LIG3: variants seen among roughly 807,000 people sequenced by gnomAD.
LIG3 encodes the protein ligase II, DNA, ATP-dependent.
A neutral mutation model predicts 110.9 loss-of-function variants in LIG3; 58 were observed. The ratio of observed to expected loss-of-function variants is 0.52; its 90% confidence interval spans 0.42 to 0.65. The LOEUF is 0.65. LIG3 is among the 30% of genes least tolerant of loss of function. LIG3 has a pLI of 0.00. For synonymous variants in LIG3, 422 were observed against 472.8 expected (o/e 0.89, Z 1.39); for missense variants, 1,094 against 1,273.8 (o/e 0.86, Z 2.15).
At chr17:34,995,739 C>G (rs1301675029) in intron 9 of LIG3, among the ~76,000 whole-genome samples, 2 of 152,212 alleles carry the variant, frequency 1.3e-5, no homozygotes, top group Admixed American at 1.3e-4. Flanking sequence ...GCACTAATCT[C>G]TGCCCACCTA....
At chr17:35,002,338 A>G (rs1254571260) in intron 18 of LIG3, among the ~76,000 whole-genome samples, 3 of 152,198 alleles carry the variant, frequency 2.0e-5, no homozygotes, top group African/African-American at 7.2e-5. Context: ...GGGGACAGCC[A>G]GTCTGACCAG....
chr17:35,001,288 A>C lies in LIG3; in HGVS notation c.2363A>C (p.Glu788Ala), dbSNP rs758573159. 1 of 1,614,130 alleles carries C rather than the reference A, an allele frequency of 6.2e-7. No individual in the cohort carries two copies. The highest frequency in any genetic ancestry group is 1.1e-5 in the South Asian group (1 of 91,088). The change falls in exon 17 of 20, where the codon GAA becomes GCA. Residue 788 changes from glutamate (E) to alanine (A), a missense_variant. Transcript: ENST00000378526. ...GCCGTGTGGGAGATCACAGGGGCTG[A>C]ATTCTCCAAATCGGAGGCTCATACA... ...KAAVWEITGA[E>A]FSKSEAHTAD...
At position 35,003,076 on chromosome 17, in the gene LIG3, G is replaced by A. The variant is rs746892798; in HGVS notation, c.2796+287G>A. Reference sequence around the variant, plus strand: ...CAGCCCGGCCTAGCCAGGAGAGACTGCAGGGACTCACTCAGCTGCTGGCCC... The same window carrying A: ...CAGCCCGGCCTAGCCAGGAGAGACTACAGGGACTCACTCAGCTGCTGGCCC... On this transcript the variant is annotated intron_variant, in intron 19 of 19. Coordinates refer to ENST00000378526, the MANE Select transcript of LIG3 (RefSeq NM_013975.4). The A allele has an allele frequency of 6.2e-6, 10 of 1,613,964 alleles. No homozygotes were observed. In the Admixed American group the frequency reaches 1.3e-4, roughly 22 times the overall value.
intron 2 of LIG3, 78 bp from the exon 3 acceptor site, chr17:34,985,910 C>A: frequency 6.8e-7 from 1 of 1,463,018 alleles, no homozygotes; most frequent in Non-Finnish European, 9.5e-7. Context: ...GCCCTAGGAG[C>A]AGTTGATAGA....
intron 17 of LIG3, 69 bp from the exon 18 acceptor site, chr17:35,001,840 C>A: frequency 1.4e-6 from 2 of 1,427,862 alleles, no homozygotes; most frequent in African/African-American, 1.4e-5. Context: ...AAATACACCA[C>A]ACACACCACC....
At chr17:35,003,056 C>T (rs780188484) in intron 19 of LIG3, 8 of 1,614,098 alleles carry the variant, frequency 5.0e-6, no homozygotes, top group East Asian at 4.5e-5. Context: ...TAGAACAGCC[C>T]GGCCTAGCCA....
intron 17 of LIG3, 48 bp downstream of exon 17, chr17:35,001,451 C>A: frequency 1.9e-6 from 3 of 1,567,514 alleles, no homozygotes; most frequent in Non-Finnish European, 1.8e-6. Flanking sequence ...ACTGTCCAGG[C>A]CTTGGAGCCT....
chr17:34,983,287 T>C lies in LIG3; in HGVS notation c.282T>C (p.Cys94=). Residue 94 remains cysteine, a synonymous_variant, in exon 2 of 20, where the codon TGT becomes TGC. Coordinates refer to ENST00000378526, the MANE Select transcript of LIG3 (RefSeq NM_013975.4). The part of the protein sequence containing the change: ...GPCEMAEQRF[C]VDYAKRGTAG... ...GTGAGATGGCTGAGCAACGGTTCTG[T>C]GTGGACTATGCCAAGCGTGGCACAG... The C allele has an allele frequency of 6.2e-7, 1 of 1,614,160 alleles. No individual in the cohort carries two copies. The highest frequency in any genetic ancestry group is 8.5e-7 in the Non-Finnish European group (1 of 1,180,020).
At chr17:34,998,408 C>A in intron 13 of LIG3, 112 bp downstream of exon 13, 1 of 1,142,000 alleles carries the variant, frequency 8.8e-7, no homozygotes, top group South Asian at 1.4e-5. Flanking sequence ...GTTGGGGTGG[C>A]TGCTGGGGAA....
At chr17:35,002,635 A>G (rs2090855527) in intron 18 of LIG3, 33 bp from the exon 19 acceptor site, 1 of 1,601,606 alleles carries the variant, frequency 6.2e-7, no homozygotes, top group Admixed American at 1.7e-5. Flanking sequence ...ATAGGTGTGC[A>G]CCACCACACC....
rs953007087 is a variant in LIG3 at position 35,004,575 on chromosome 17, G to C, written c.*69G>C. ...ATACTACTGGACTGGACTCAGGCTG[G>C]AGGCAGATAGACACAGTATAGGGGG... is the stretch of plus-strand genomic sequence containing the variant. On this transcript the variant is annotated 3_prime_UTR_variant, in exon 20 of 20. Coordinates refer to ENST00000378526, the MANE Select transcript of LIG3 (RefSeq NM_013975.4). 7 of 1,303,044 alleles carry C rather than the reference G, an allele frequency of 5.4e-6. No individual in the cohort carries two copies. In the Admixed American group the frequency reaches 8.8e-5, roughly 16 times the overall value. The allele number at this position is 1,303,044 out of a possible 1,614,324, so 80.7% of individuals were successfully genotyped here. A position where few individuals can be genotyped will look rare whatever the true frequency, so the allele number is the denominator to read the frequency against.
intron 9 of LIG3, among the ~76,000 whole-genome samples, chr17:34,995,450 C>T (rs1252780789): frequency 1.3e-5 from 2 of 152,132 alleles, no homozygotes; most frequent in South Asian, 2.1e-4. Flanking sequence ...TTTCCCTTAC[C>T]CAGTATTCAC....
chr17:34,985,864 T>C (rs754497226), intron 2 of LIG3, 124 bp from the exon 3 acceptor site: 19 of 916,738 alleles, frequency 2.1e-5, no homozygotes, highest in Admixed American at 9.8e-5. Flanking sequence ...CCAGCCAGCC[T>C]TGGGCTAGTG....
intron 3 of LIG3, among the ~76,000 whole-genome samples, 168 bp downstream of exon 3, chr17:34,986,299 T>TTTTGTTTG (rs370199117): frequency 6.6e-6 from 1 of 152,000 alleles, no homozygotes; most frequent in Non-Finnish European, 1.5e-5. Flanking sequence ...TCCGCTTGGT[T>TTTTGTTTG]TTTGTTTGTT....
At chr17:35,002,160 C>A in intron 18 of LIG3, 56 bp downstream of exon 18, 4 of 1,432,428 alleles carry the variant, frequency 2.8e-6, no homozygotes, top group Non-Finnish European at 3.7e-6. Flanking sequence ...GGGCAGAGAT[C>A]CAAGGGCAGG....
intron 14 of LIG3, 85 bp from the exon 15 acceptor site, chr17:34,999,222 C>T: frequency 6.8e-7 from 1 of 1,474,982 alleles, no homozygotes; most frequent in South Asian, 1.4e-5. Context: ...CGGCCAGGAC[C>T]CAAGGTCCTC....
rs200974999 is a variant in LIG3 at position 35,004,301 on chromosome 17, G to A, written c.2825G>A (p.Arg942Gln). The change falls in exon 20 of 20, where the codon CGG becomes CAG. Residue 942 changes from arginine to glutamine, a missense_variant. By Grantham distance (43) the Arg-to-Gln change is conservative. Coordinates refer to ENST00000378526, the MANE Select transcript of LIG3 (RefSeq NM_013975.4). ...TTGCTGGACATCTTCACTGGGGTGC[G>A]GCTTTACTTGCCACCCTCCACACCA... is the stretch of plus-strand genomic sequence containing the variant. ...KVLLDIFTGVRLYLPPSTPDF... is the reference protein window; with the variant it reads ...KVLLDIFTGVQLYLPPSTPDF... 207 of 1,614,098 alleles carry A rather than the reference G, an allele frequency of 1.3e-4. No individual in the cohort carries two copies. In the East Asian group the frequency reaches 2.7e-3, roughly 21 times the overall value.
Position 34,988,313 on chromosome 17 carries a change from G to A in LIG3, c.692-1153G>A, listed in dbSNP as rs571139683. On this transcript the variant is annotated intron_variant, in intron 3 of 19. Transcript: ENST00000378526. ...AGCATGTTTCTGGAAGGGCTCCGGT[G>A]TTGGGGATGGAATTTGGGAGGAGTT... 7.9e-5 allele frequency among the ~76,000 whole-genome samples: 12 copies of A among 152,246 alleles called. No individual in the cohort carries two copies. In the East Asian group the frequency reaches 2.1e-3, roughly 27 times the overall value.
At chr17:34,996,919 A>G (rs2090784175) in intron 11 of LIG3, 2 of 437,240 alleles carry the variant, frequency 4.6e-6, no homozygotes, top group Non-Finnish European at 8.3e-6. Flanking sequence ...CACAGAAGAA[A>G]CCCAAACCCC....
Sources: gnomAD v4.1 joint callset for allele counts (sites outside exome capture counted in the v4.1 genomes callset) on GRCh38, gnomAD v4.1.1 for gene constraint, MANE v1.5 for transcripts, NCBI Gene and HGNC (gene_info 2026-07-23, HGNC 2026-07-21) for gene names.